The following SYNE2 variants were observed in gnomAD, a reference collection of about 807,000 sequenced individuals.
The protein encoded by SYNE2 is nesprin-2.
SYNE2 carries 431 observed loss-of-function variants against 856.3 expected under a neutral mutation model. That is an observed-to-expected ratio of 0.50 (90% CI 0.47 to 0.55). The LOEUF (loss-of-function observed/expected upper bound fraction) is 0.55. Ranked by LOEUF, SYNE2 falls within the 20% of genes least tolerant of loss-of-function variation. SYNE2 has a pLI of 0.00. For synonymous variants in SYNE2, 2,923 were observed against 2,872.3 expected (o/e 1.02, Z -0.56); for missense variants, 8,129 against 8,023.2 (o/e 1.01, Z -0.50).
intron 49 of SYNE2, among the ~76,000 whole-genome samples, chr14:64,059,361 G>A (rs560323253): frequency 2.6e-5 from 4 of 152,132 alleles, no homozygotes; most frequent in African/African-American, 9.7e-5. Flanking sequence ...GTTTTTGGTC[G>A]CGGTAGTCAT....
Position 64,208,856 on chromosome 14 carries a change from G to A in SYNE2, c.18300G>A (p.Glu6100=). Residue 6100 remains glutamate (E), a synonymous_variant, in exon 101 of 116, where the codon GAG becomes GAA. Transcript: ENST00000555002. ...LLHDSDACAN[E]TECDSIQQTT... The stretch of plus-strand genomic sequence containing the variant: ...ACGACTCCGATGCCTGTGCAAATGA[G>A]ACCGAGTGTGACTCGATCCAGCAGA... 1 of 1,614,200 alleles carries A rather than the reference G, an allele frequency of 6.2e-7. No individual in the cohort carries two copies. The highest frequency in any genetic ancestry group is 1.1e-5 in the South Asian group (1 of 91,076).
Position 64,132,303 on chromosome 14 carries a change from C to T in SYNE2, c.14379C>T (p.Ile4793=), listed in dbSNP as rs374336757. ...AGCTTGTTGCTGACATGTTGTTGAT[C>T]CAAGCATACTCTGCCAAAATACTTC... ...FQKLVADMLL[I]QAYSAKILPS... is the part of the protein sequence containing the mutation. Residue 4793 remains isoleucine, a synonymous_variant, in exon 77 of 116, where the codon ATC becomes ATT. Coordinates refer to ENST00000555002, the MANE Select transcript of SYNE2 (RefSeq NM_182914.3). The T allele has an allele frequency of 1.8e-5, 29 of 1,613,792 alleles. No homozygotes were observed. Among genetic ancestry groups the T allele is most frequent in the Non-Finnish European group, 2.3e-5 (27 of 1,180,044 alleles).
At chr14:64,011,496 G>T (rs151037329) in intron 32 of SYNE2, among the ~76,000 whole-genome samples, 1 of 152,084 alleles carries the variant, frequency 6.6e-6, no homozygotes, top group Non-Finnish European at 1.5e-5. Flanking sequence ...GTCCCAGTTC[G>T]CATAGCCACC....
intron 1 of SYNE2, among the ~76,000 whole-genome samples, chr14:63,823,849 C>T (rs192836194): frequency 2.6e-4 from 40 of 152,164 alleles, no homozygotes; most frequent in African/African-American, 9.4e-4. Flanking sequence ...GTTGTCCAGT[C>T]TGGTCTCAAA....
rs570487134 is a variant in SYNE2 at position 63,959,497 on chromosome 14, C to T, written c.788-2028C>T. Among the ~76,000 whole-genome samples the T allele has an allele frequency of 4.0e-4, 61 of 151,654 alleles. 1 individual carries two copies. The highest frequency in any genetic ancestry group is 1.4e-3 in the African/African-American group (58 of 41,348). Reference sequence around the variant, plus strand: ...ATTTTTAGTAGAGAGGGGGTTTCGCCGTGTTGGCCAGGATGGTCTAGAACT... The same window carrying T: ...ATTTTTAGTAGAGAGGGGGTTTCGCTGTGTTGGCCAGGATGGTCTAGAACT... On this transcript the variant is annotated intron_variant, in intron 8 of 115. Coordinates refer to ENST00000555002, the MANE Select transcript of SYNE2 (RefSeq NM_182914.3).
chr14:64,051,701 G>T lies in SYNE2; in HGVS notation c.7788G>T (p.Leu2596Phe). 6.2e-7 allele frequency: 1 copy of T among 1,614,166 alleles called. No individual in the cohort carries two copies. Among genetic ancestry groups the T allele is most frequent in the Non-Finnish European group, 8.5e-7 (1 of 1,180,026 alleles). The change falls in exon 48 of 116, where the codon TTG becomes TTT. Residue 2596 changes from leucine (L) to phenylalanine (F), a missense_variant. This residue lies in a region of SYNE2 where 5,410 missense variants were observed against 5,284.8 expected (regional missense o/e 1.02). Transcript: ENST00000555002. ...TGACTGACATGGATAAGAAATTGTT[G>T]GAAAGCCAGATTAAGCAACTTGAAC... ...NHVTDMDKKL[L>F]ESQIKQLEHG...
At position 64,146,140 on chromosome 14, in the gene SYNE2, C is replaced by A. The variant is rs10151658; in HGVS notation, c.15556C>A (p.Leu5186Met). 740,533 of 1,605,976 alleles carry A rather than the reference C, an allele frequency of 0.46. 179,639 individuals carry two copies. The highest frequency in any genetic ancestry group is 0.86 in the African/African-American group (64,392 of 74,772). The change falls in exon 84 of 116, where the codon CTG becomes ATG. Residue 5186 changes from leucine (L) to methionine (M), a missense_variant. Around this residue, in one of 3 missense-constraint regions of SYNE2, gnomAD observed 5,410 missense variants for 5,284.8 expected, o/e 1.02. Transcript: ENST00000555002. ...ENKIQILNNW[L>M]EAQEERLKTL... Reference sequence around the variant, plus strand: ...TAAAATACAGATCTTGAACAACTGGCTGGAAGCACAAGAAGAGAGACTGAA... The same window carrying A: ...TAAAATACAGATCTTGAACAACTGGATGGAAGCACAAGAAGAGAGACTGAA...
rs768333248 is a variant in SYNE2, at chr14:64,003,211, C to G, written c.4278C>G (p.Asn1426Lys). Residue 1426 changes from asparagine to lysine, a missense_variant, in exon 30 of 116, where the codon AAC becomes AAG. This residue lies in a region of SYNE2 where 2,422 missense variants were observed against 2,357.4 expected (regional missense o/e 1.03). Coordinates refer to ENST00000555002, the MANE Select transcript of SYNE2 (RefSeq NM_182914.3). The stretch of plus-strand genomic sequence containing the variant: ...TACAGGAGGAATTCACTGAGGAAAA[C>G]AAATTACTAGAGGCTTGTATTTTCA... The part of the protein sequence containing the change: ...YGVQEEFTEE[N>K]KLLEACIFKN... 1.2e-6 allele frequency: 2 copies of G among 1,613,764 alleles called. No individual in the cohort carries two copies. Among genetic ancestry groups the G allele is most frequent in the African/African-American group, 1.3e-5 (1 of 74,894 alleles).
At chr14:64,150,007 CTTTTTTT>C (rs755126549) in intron 84 of SYNE2, among the ~76,000 whole-genome samples, 8 of 94,408 alleles carry the variant, frequency 8.5e-5, no homozygotes, top group African/African-American at 2.1e-4. Context: ...TTTTTCTTTT[CTTTTTTT>C]TTTTTTTTTT....
At chr14:64,064,702 C>T (rs2097344768) in intron 50 of SYNE2, among the ~76,000 whole-genome samples, 1 of 151,652 alleles carries the variant, frequency 6.6e-6, no homozygotes, top group Non-Finnish European at 1.5e-5. Context: ...TACAGGCATA[C>T]ACCACCATGC....
chr14:64,193,825 C>A (rs1030467245), intron 99 of SYNE2, among the ~76,000 whole-genome samples: 6 of 152,192 alleles, frequency 3.9e-5, no homozygotes, highest in Admixed American at 2.0e-4. Context: ...AGGCTCCTCA[C>A]ATAGATTATT....
intron 18 of SYNE2, among the ~76,000 whole-genome samples, chr14:63,985,788 G>C (rs143462152): frequency 6.6e-6 from 1 of 152,132 alleles, no homozygotes; most frequent in Non-Finnish European, 1.5e-5. Flanking sequence ...GTTGAGATGG[G>C]ACTTAAGCCC....
At chr14:63,950,139 T>C (rs2096127405) in intron 7 of SYNE2, 133 bp downstream of exon 7, 4 of 1,056,132 alleles carry the variant, frequency 3.8e-6, no homozygotes, top group Non-Finnish European at 4.3e-6. Context: ...GCTTCTTCCA[T>C]ACGTGGAAGC....
chr14:63,988,333 C>A (rs1269986960), intron 19 of SYNE2, among the ~76,000 whole-genome samples: 1 of 152,210 alleles, frequency 6.6e-6, no homozygotes, highest in African/African-American at 2.4e-5. Flanking sequence ...CCGCCTCAGC[C>A]CCTCAAAGTG....
chr14:63,939,041 G>A (rs1003291447), intron 2 of SYNE2, among the ~76,000 whole-genome samples: 2 of 152,144 alleles, frequency 1.3e-5, no homozygotes, highest in African/African-American at 4.8e-5. Flanking sequence ...AGTGAGATGA[G>A]GCCTGGTGAA....
At chr14:64,066,258 G>T (rs1397417112) in intron 51 of SYNE2, among the ~76,000 whole-genome samples, 1 of 152,162 alleles carries the variant, frequency 6.6e-6, no homozygotes, top group Non-Finnish European at 1.5e-5. Flanking sequence ...CCAGCACTTT[G>T]GGAGGCTGAG....
Position 64,087,706 on chromosome 14 carries a change from T to A in SYNE2, c.11520T>A (p.Leu3840=). 6.2e-7 allele frequency: 1 copy of A among 1,614,160 alleles called. No individual in the cohort carries two copies. Among genetic ancestry groups the A allele is most frequent in the South Asian group, 1.1e-5 (1 of 91,080 alleles). ...ALEDSEQKHN[L]LHSIFMDLED... ...AAGATTCAGAACAGAAGCACAATCTTTTACATTCAATCTTTATGGATCTAG... is the reference window on the plus strand; with the variant it reads ...AAGATTCAGAACAGAAGCACAATCTATTACATTCAATCTTTATGGATCTAG... The change falls in exon 58 of 116, where the codon CTT becomes CTA. Residue 3840 remains leucine (L), a synonymous_variant. Coordinates refer to ENST00000555002, the MANE Select transcript of SYNE2 (RefSeq NM_182914.3).
chr14:64,099,677 T>C (rs1165023802), intron 63 of SYNE2: 2 of 152,208 alleles, frequency 1.3e-5, no homozygotes, highest in African/African-American at 2.4e-5. Flanking sequence ...TCTGAGCTGA[T>C]GTTTATAGTG....
At chr14:64,183,284 C>CAT in intron 96 of SYNE2, among the ~76,000 whole-genome samples, 2 of 151,436 alleles carry the variant, frequency 1.3e-5, no homozygotes, top group Non-Finnish European at 2.9e-5. Context: ...GACAGGGTGG[C>CAT]GGCCGGGCAG....
Sources: gnomAD v4.1 joint callset for allele counts (sites outside exome capture counted in the v4.1 genomes callset) on GRCh38, gnomAD v4.1.1 for gene constraint, gnomAD v4.1.1 regional missense constraint, MANE v1.5 for transcripts, NCBI Gene and HGNC (gene_info 2026-07-23, HGNC 2026-07-21) for gene names.